The following ZNF804A variants were observed in gnomAD, a reference collection of about 807,000 sequenced individuals.
ZNF804A encodes the protein zinc finger protein 804A.
A neutral mutation model predicts 16.5 loss-of-function variants in ZNF804A; 2 were observed. The observed-to-expected ratio is 0.12, with a 90% confidence interval of 0.05 to 0.38. The LOEUF is 0.38. Ranked by LOEUF, ZNF804A falls within the 10% of genes least tolerant of loss-of-function variation. The probability of loss-of-function intolerance (pLI) is 0.99; values close to 1 mark genes in which losing one functional copy is unlikely to be tolerated. For synonymous variants in ZNF804A, 534 were observed against 489.6 expected (o/e 1.09, Z -1.20); for missense variants, 1,473 against 1,390.7 (o/e 1.06, Z -0.94).
intron 1 of ZNF804A, among the ~76,000 whole-genome samples, chr2:184,853,766 G>T (rs1413821844): frequency 1.3e-5 from 2 of 151,372 alleles, no homozygotes; most frequent in African/African-American, 4.8e-5. Flanking sequence ...GGTAAATAAT[G>T]ATTTTAATGT....
chr2:184,866,577 ACT>A, intron 2 of ZNF804A, 65 bp downstream of exon 2: 1 of 1,374,564 alleles, frequency 7.3e-7, no homozygotes, highest in Non-Finnish European at 9.9e-7. Flanking sequence ...AATTGTGTAG[ACT>A]CTATGAATAT....
At chr2:184,759,900 C>G (rs1694016689) in intron 1 of ZNF804A, among the ~76,000 whole-genome samples, 1 of 152,130 alleles carries the variant, frequency 6.6e-6, no homozygotes, top group Admixed American at 6.6e-5. Context: ...AGCCCCACCT[C>G]TATCTCCCTT....
chr2:184,723,058 T>A (rs1468994789), intron 1 of ZNF804A, among the ~76,000 whole-genome samples: 1 of 151,890 alleles, frequency 6.6e-6, no homozygotes, highest in Non-Finnish European at 1.5e-5. Context: ...TTAGTATGGA[T>A]TTTTAGAGAA....
chr2:184,775,175 G>A (rs1482111282), intron 1 of ZNF804A, among the ~76,000 whole-genome samples: 1 of 151,574 alleles, frequency 6.6e-6, no homozygotes, highest in Non-Finnish European at 1.5e-5. Context: ...TTTAAAATTA[G>A]TTTTAAGATC....
At chr2:184,804,721 G>A (rs1694777141) in intron 1 of ZNF804A, among the ~76,000 whole-genome samples, 1 of 152,170 alleles carries the variant, frequency 6.6e-6, no homozygotes, top group African/African-American at 2.4e-5. Flanking sequence ...GCAAAGAAGG[G>A]TGAGTAGTTT....
intron 2 of ZNF804A, among the ~76,000 whole-genome samples, chr2:184,932,493 C>T (rs1685717813): frequency 6.6e-6 from 1 of 152,112 alleles, no homozygotes; most frequent in Non-Finnish European, 1.5e-5. Context: ...CATTCACTAT[C>T]ACAATAAAAG....
At chr2:184,650,339 C>T (rs911491446) in intron 1 of ZNF804A, among the ~76,000 whole-genome samples, 1 of 152,056 alleles carries the variant, frequency 6.6e-6, no homozygotes, top group Non-Finnish European at 1.5e-5. Context: ...TATGACAAAC[C>T]TGTAGTGAAC....
intron 1 of ZNF804A, among the ~76,000 whole-genome samples, chr2:184,791,428 G>A (rs140635067): frequency 9.3e-4 from 142 of 152,216 alleles, no homozygotes; most frequent in African/African-American, 3.3e-3. Flanking sequence ...GTTTAGTTTG[G>A]CAGGATACAA....
chr2:184,663,721 A>G (rs1231314022), intron 1 of ZNF804A, among the ~76,000 whole-genome samples: 1 of 152,144 alleles, frequency 6.6e-6, no homozygotes, highest in Non-Finnish European at 1.5e-5. Context: ...CAATCTGCAC[A>G]CATTTCCTCC....
At chr2:184,698,061 A>G (rs1399313891) in intron 1 of ZNF804A, among the ~76,000 whole-genome samples, 1 of 152,034 alleles carries the variant, frequency 6.6e-6, no homozygotes, top group Non-Finnish European at 1.5e-5. Context: ...TTCAGATTTA[A>G]TTTGAGTCTA....
chr2:184,758,981 TAC>T (rs1694000392), intron 1 of ZNF804A, among the ~76,000 whole-genome samples: 1 of 151,872 alleles, frequency 6.6e-6, no homozygotes, highest in East Asian at 1.9e-4. Flanking sequence ...CCTAGACACA[TAC>T]ACACATTATT....
intron 1 of ZNF804A, among the ~76,000 whole-genome samples, chr2:184,822,232 A>G (rs1053027856): frequency 1.3e-5 from 2 of 152,150 alleles, no homozygotes; most frequent in African/African-American, 2.4e-5. Context: ...TGCGGCTAGA[A>G]AAAGGAAGGA....
At chr2:184,628,861 G>T (rs1480158422) in intron 1 of ZNF804A, among the ~76,000 whole-genome samples, 2 of 152,094 alleles carry the variant, frequency 1.3e-5, no homozygotes, top group Non-Finnish European at 2.9e-5. Context: ...TTCATTCTCT[G>T]ATAGCAGTAG....
At chr2:184,634,433 A>T (rs1234435155) in intron 1 of ZNF804A, among the ~76,000 whole-genome samples, 2 of 152,140 alleles carry the variant, frequency 1.3e-5, no homozygotes, top group Non-Finnish European at 2.9e-5. Flanking sequence ...AGATGGAGAG[A>T]TTATTCTGGA....
intron 2 of ZNF804A, among the ~76,000 whole-genome samples, chr2:184,877,732 AGGCC>A (rs1684730758): frequency 6.6e-6 from 1 of 152,086 alleles, no homozygotes; most frequent in Admixed American, 6.6e-5. Context: ...TTATAGTTTG[AGGCC>A]AAGGTTGGAA....
At chr2:184,832,760 AT>A (rs1418734165) in intron 1 of ZNF804A, among the ~76,000 whole-genome samples, 1 of 151,904 alleles carries the variant, frequency 6.6e-6, no homozygotes, top group Non-Finnish European at 1.5e-5. Context: ...TAATTTTGAT[AT>A]TTTTTAATGT....
intron 1 of ZNF804A, among the ~76,000 whole-genome samples, chr2:184,785,274 A>G (rs907951497): frequency 6.6e-6 from 1 of 152,026 alleles, no homozygotes; most frequent in Non-Finnish European, 1.5e-5. Context: ...GTAAATCTGC[A>G]TAAATTAATA....
At chr2:184,634,868 G>T (rs1186181414) in intron 1 of ZNF804A, among the ~76,000 whole-genome samples, 1 of 151,958 alleles carries the variant, frequency 6.6e-6, no homozygotes, top group Non-Finnish European at 1.5e-5. Flanking sequence ...AAATGTTTGT[G>T]GTATTTGTCA....
At chr2:184,824,108 C>T (rs1450371065) in intron 1 of ZNF804A, among the ~76,000 whole-genome samples, 1 of 152,090 alleles carries the variant, frequency 6.6e-6, no homozygotes, top group African/African-American at 2.4e-5. Context: ...ATTTCCCTCA[C>T]TCTGTGGCTG....
Sources: allele counts gnomAD v4.1 joint callset (sites outside exome capture counted in the v4.1 genomes callset), GRCh38; gene constraint gnomAD v4.1.1; transcripts MANE v1.5; gene names NCBI Gene and HGNC (gene_info 2026-07-23, HGNC 2026-07-21).